DIP2C: variants seen among roughly 807,000 people sequenced by gnomAD.
DIP2C encodes DIP2 acetate--CoA ligase C (putative).
Under a neutral mutation model 192.4 loss-of-function variants are expected in DIP2C, and 33 were observed. The observed-to-expected ratio is 0.17, with a 90% CI of 0.13 to 0.23. The LOEUF is 0.23. DIP2C is among the 10% of genes least tolerant of loss of function. The pLI, the probability that DIP2C is intolerant of heterozygous loss-of-function variation, is 1.00. For synonymous variants in DIP2C, 979 were observed against 864.1 expected, an observed-to-expected ratio of 1.13 and a Z score of -2.33; for missense variants, 1,537 against 2,110.1, an observed-to-expected ratio of 0.73 and a Z score of 5.32.
chr10:472,857 G>A (rs1970741476), intron 2 of DIP2C, among the ~76,000 whole-genome samples: 1 of 152,230 alleles, frequency 6.6e-6, no homozygotes, highest in African/African-American at 2.4e-5. Context: ...CAGGATTAGA[G>A]CAACAGGGCC....
rs183729935 is a variant in DIP2C at position 502,702 on chromosome 10, T to C, written c.86-16172A>G. Among the ~76,000 whole-genome samples the C allele has an allele frequency of 2.6e-4, 39 of 152,280 alleles. 1 individual carries two copies. Among genetic ancestry groups the C allele is most frequent in the Admixed American group, 2.3e-3 (35 of 15,300 alleles). ...GTATTGGCAATTAGTATTTGGGACC[T>C]AAATGTTAAAAACAACACTATTTAC... On this transcript the variant is annotated intron_variant, in intron 1 of 36. Coordinates refer to ENST00000280886, the MANE Select transcript of DIP2C (RefSeq NM_014974.3).
chr10:663,490 C>T (rs1198062655), intron 1 of DIP2C: 1 of 152,258 alleles, frequency 6.6e-6, no homozygotes, highest in Non-Finnish European at 1.5e-5. Context: ...ATTCCACAGC[C>T]CTGCATCCCA....
chr10:365,120 A>G (rs1960035630), intron 19 of DIP2C: 1 of 435,300 alleles, frequency 2.3e-6, no homozygotes, highest in East Asian at 6.6e-5. Context: ...ACGGAGATGG[A>G]GTTTTTATTT....
At chr10:285,613 G>A (rs1955071913) in intron 34 of DIP2C, among the ~76,000 whole-genome samples, 1 of 152,244 alleles carries the variant, frequency 6.6e-6, no homozygotes, top group Non-Finnish European at 1.5e-5. Context: ...GGACGCATGA[G>A]ACAAGTGGCC....
At chr10:390,217 G>T in intron 12 of DIP2C, 47 bp downstream of exon 12, 1 of 1,598,276 alleles carries the variant, frequency 6.3e-7, no homozygotes, top group Non-Finnish European at 8.6e-7. Flanking sequence ...ACACGTTAGT[G>T]CCAAGGCCAC....
intron 4 of DIP2C, among the ~76,000 whole-genome samples, chr10:440,082 C>G (rs1438442601): frequency 6.6e-6 from 1 of 152,174 alleles, no homozygotes; most frequent in African/African-American, 2.4e-5. Context: ...ACTACACTTT[C>G]TGCTTTACTT....
intron 10 of DIP2C, among the ~76,000 whole-genome samples, chr10:394,110 C>T (rs1220692464): frequency 2.0e-5 from 3 of 152,190 alleles, no homozygotes; most frequent in Non-Finnish European, 4.4e-5. Flanking sequence ...TTATCGGCAT[C>T]CCTACATTCA....
chr10:537,453 C>G (rs1381481757), intron 1 of DIP2C, among the ~76,000 whole-genome samples: 1 of 152,216 alleles, frequency 6.6e-6, no homozygotes, highest in Admixed American at 6.5e-5. Context: ...TTTCTTCCCA[C>G]AAGTAGCCCT....
At chr10:370,181 G>A in intron 17 of DIP2C, 1 of 493,856 alleles carries the variant, frequency 2.0e-6, no homozygotes, top group Non-Finnish European at 2.6e-6. Flanking sequence ...TGCCATTGTG[G>A]CTGCCAAGTT....
intron 1 of DIP2C, among the ~76,000 whole-genome samples, chr10:588,830 T>C (rs1460014098): frequency 6.6e-6 from 1 of 152,162 alleles, no homozygotes; most frequent in Non-Finnish European, 1.5e-5. Flanking sequence ...GGACACAGTT[T>C]TTCTTGAACA....
intron 1 of DIP2C, among the ~76,000 whole-genome samples, chr10:616,208 C>T (rs941434966): frequency 8.5e-5 from 13 of 152,182 alleles, no homozygotes; most frequent in African/African-American, 3.1e-4. Context: ...ATTAGATTAT[C>T]AAGCAGCCGT....
intron 1 of DIP2C, among the ~76,000 whole-genome samples, chr10:657,402 CCTGCCCT>C (rs1442581899): frequency 3.9e-5 from 2 of 51,288 alleles, no homozygotes; most frequent in African/African-American, 1.3e-4. Flanking sequence ...TGCCCCTGGA[CCTGCCCT>C]TGGACCTGTC....
At chr10:653,224 A>G (rs1335887949) in intron 1 of DIP2C, among the ~76,000 whole-genome samples, 2 of 152,130 alleles carry the variant, frequency 1.3e-5, no homozygotes, top group Non-Finnish European at 2.9e-5. Flanking sequence ...CAAGGTGGGC[A>G]GATCACTTGA....
intron 1 of DIP2C, among the ~76,000 whole-genome samples, chr10:586,093 A>T (rs1851005366): frequency 6.6e-6 from 1 of 152,216 alleles, no homozygotes; most frequent in African/African-American, 2.4e-5. Context: ...ACCAAGGCAA[A>T]GTAAGGTCCA....
chr10:686,987 T>C (rs1439102833), intron 1 of DIP2C, among the ~76,000 whole-genome samples: 1 of 152,260 alleles, frequency 6.6e-6, no homozygotes, highest in African/African-American at 2.4e-5. Flanking sequence ...CATCCTCCTC[T>C]GTAGGAAATG....
chr10:543,827 C>T (rs1210075816), intron 1 of DIP2C, among the ~76,000 whole-genome samples: 1 of 152,246 alleles, frequency 6.6e-6, no homozygotes, highest in Non-Finnish European at 1.5e-5. Context: ...CTCAAAGCTG[C>T]ACAACAATCA....
intron 1 of DIP2C, among the ~76,000 whole-genome samples, chr10:647,567 C>T (rs568737538): frequency 4.7e-5 from 7 of 149,878 alleles, no homozygotes; most frequent in Non-Finnish European, 8.9e-5. Context: ...ACTGAGTCCA[C>T]GTCCACATTT....
chr10:574,908 C>T (rs1040626525), intron 1 of DIP2C, among the ~76,000 whole-genome samples: 3 of 152,108 alleles, frequency 2.0e-5, no homozygotes, highest in Admixed American at 2.0e-4. Flanking sequence ...TTCGGTTTGT[C>T]ACAGAAGAGA....
chr10:279,787 A>G (rs1177965996), intron 36 of DIP2C, among the ~76,000 whole-genome samples: 3 of 152,202 alleles, frequency 2.0e-5, no homozygotes, highest in African/African-American at 7.2e-5. Context: ...GGACAGATCC[A>G]GTTTGGGGGT....
Sources: gnomAD v4.1 joint callset for allele counts (sites outside exome capture counted in the v4.1 genomes callset) on GRCh38, gnomAD v4.1.1 for gene constraint, MANE v1.5 for transcripts, NCBI Gene and HGNC (gene_info 2026-07-23, HGNC 2026-07-21) for gene names.